The following SYNPO2 variants were observed in gnomAD, a reference collection of about 807,000 sequenced individuals.
The protein encoded by SYNPO2 is synaptopodin-2.
In SYNPO2, 56 loss-of-function variants were observed where a neutral mutation model predicts 85.0. The observed-to-expected ratio is 0.66, with a 90% CI of 0.53 to 0.82. The LOEUF (loss-of-function observed/expected upper bound fraction) is 0.82. SYNPO2 is among the 40% of genes least tolerant of loss of function. SYNPO2 has a pLI of 0.00. For synonymous variants in SYNPO2, 602 were observed against 591.1 expected (o/e 1.02, Z -0.27); for missense variants, 1,575 against 1,534.2 (o/e 1.03, Z -0.44).
intron 1 of SYNPO2, among the ~76,000 whole-genome samples, chr4:118,877,418 C>T: frequency 6.6e-6 from 1 of 152,114 alleles, no homozygotes; most frequent in African/African-American, 2.4e-5. Flanking sequence ...AAAGAGTAAA[C>T]AGACAACCTA....
At chr4:118,999,032 G>C (rs952963112) in intron 1 of SYNPO2, among the ~76,000 whole-genome samples, 1 of 152,158 alleles carries the variant, frequency 6.6e-6, no homozygotes, top group Non-Finnish European at 1.5e-5. Flanking sequence ...ATTTAGTTTT[G>C]TCTTCTGGAA....
chr4:119,044,901 GC>G (rs1398307115), intron 4 of SYNPO2, among the ~76,000 whole-genome samples: 1 of 152,178 alleles, frequency 6.6e-6, no homozygotes, highest in Non-Finnish European at 1.5e-5. Context: ...CTGTATAGTT[GC>G]TGTGTCTTCG....
At chr4:119,036,163 A>G in intron 4 of SYNPO2, 1 of 985,468 alleles carries the variant, frequency 1.0e-6, no homozygotes, top group Middle Eastern at 5.2e-4. Context: ...CCCAGCAGGC[A>G]GGGCATTTGA....
At chr4:118,963,651 T>C (rs1735190334) in intron 1 of SYNPO2, among the ~76,000 whole-genome samples, 1 of 152,194 alleles carries the variant, frequency 6.6e-6, no homozygotes, top group South Asian at 2.1e-4. Context: ...CAGATTTTAT[T>C]ATACTTGTTT....
At chr4:118,961,541 C>T (rs1263434765) in intron 1 of SYNPO2, among the ~76,000 whole-genome samples, 1 of 152,198 alleles carries the variant, frequency 6.6e-6, no homozygotes, top group Non-Finnish European at 1.5e-5. Flanking sequence ...CATTCTCCAA[C>T]GACCTTTACT....
At chr4:119,004,306 A>G (rs1736933740) in intron 1 of SYNPO2, among the ~76,000 whole-genome samples, 1 of 151,924 alleles carries the variant, frequency 6.6e-6, no homozygotes, top group African/African-American at 2.4e-5. Context: ...TACATGTGCC[A>G]TGTTGGTGTG....
chr4:119,038,451 T>C (rs985220893), intron 4 of SYNPO2: 58 of 985,312 alleles, frequency 5.9e-5, no homozygotes, highest in Non-Finnish European at 7.0e-5. Flanking sequence ...TGAATAGTGT[T>C]GTTCGTTGGC....
chr4:118,954,098 T>A (rs966151342), intron 1 of SYNPO2, among the ~76,000 whole-genome samples: 5 of 152,232 alleles, frequency 3.3e-5, no homozygotes, highest in African/African-American at 1.2e-4. Flanking sequence ...CAATTGCCAA[T>A]GTTCTTCACA....
chr4:119,026,316 G>T (rs1737940872), intron 2 of SYNPO2, among the ~76,000 whole-genome samples: 2 of 152,168 alleles, frequency 1.3e-5, no homozygotes, highest in African/African-American at 4.8e-5. Context: ...GAGATACCCA[G>T]ATTCCAAGTA....
At chr4:118,947,177 C>T (rs1368010019) in intron 1 of SYNPO2, among the ~76,000 whole-genome samples, 2 of 152,192 alleles carry the variant, frequency 1.3e-5, no homozygotes, top group Non-Finnish European at 2.9e-5. Flanking sequence ...CAGAATTTCT[C>T]ATGATACACT....
At chr4:118,939,165 T>A (rs549123306) in intron 1 of SYNPO2, among the ~76,000 whole-genome samples, 1 of 152,356 alleles carries the variant, frequency 6.6e-6, no homozygotes, top group East Asian at 1.9e-4. Context: ...AGTTTGTGTG[T>A]GCACAGTTGG....
In SYNPO2 at chr4:119,057,983, G is replaced by A. The variant is rs772086635; in HGVS notation, c.*49G>A. 235 of 1,543,922 alleles carry A rather than the reference G, an allele frequency of 1.5e-4. No homozygotes were observed. The highest frequency in any genetic ancestry group is 1.8e-4 in the Non-Finnish European group (209 of 1,147,228). ...CCAACTGTAGTTTTTTAAAAAAAAC[G>A]CTCCTTTGTAGGGTTTTAAACTTTT... On this transcript the variant is annotated 3_prime_UTR_variant, in exon 5 of 5. Coordinates refer to ENST00000307142, the MANE Select transcript of SYNPO2 (RefSeq NM_133477.3).
chr4:119,015,070 G>A (rs1034649706), intron 1 of SYNPO2, among the ~76,000 whole-genome samples: 1 of 152,118 alleles, frequency 6.6e-6, no homozygotes, highest in Non-Finnish European at 1.5e-5. Flanking sequence ...AATTTGATGT[G>A]ATTCTTTCCA....
intron 1 of SYNPO2, among the ~76,000 whole-genome samples, chr4:118,985,616 A>G (rs1736189175): frequency 6.6e-6 from 1 of 152,232 alleles, no homozygotes; most frequent in Admixed American, 6.5e-5. Context: ...TTGTCATCCA[A>G]CTGGGCATTC....
At chr4:118,925,908 C>T (rs559505063) in intron 1 of SYNPO2, among the ~76,000 whole-genome samples, 6 of 152,132 alleles carry the variant, frequency 3.9e-5, no homozygotes, top group Non-Finnish European at 7.4e-5. Flanking sequence ...CAGAAATTTC[C>T]AGATATTTAA....
At chr4:119,028,830 A>C (rs1336718490) in intron 3 of SYNPO2, among the ~76,000 whole-genome samples, 36 of 152,022 alleles carry the variant, frequency 2.4e-4, no homozygotes, top group Non-Finnish European at 1.0e-4. Context: ...TAGGGGACTC[A>C]CAGTCATTAT....
At chr4:119,010,216 T>C (rs1315752173) in intron 1 of SYNPO2, among the ~76,000 whole-genome samples, 3 of 152,192 alleles carry the variant, frequency 2.0e-5, no homozygotes, top group Admixed American at 2.0e-4. Flanking sequence ...TAACATTAAT[T>C]TGTCTTTTAG....
rs1324280720 is a variant in SYNPO2 at position 119,027,279 on chromosome 4, G to A, written c.910G>A (p.Gly304Arg). Residue 304 changes from glycine to arginine, a missense_variant, in exon 3 of 5, where the codon GGA becomes AGA. By Grantham distance (125) the Gly-to-Arg change is moderately radical (BLOSUM62 -2). Around this residue, in one of 3 missense-constraint regions of SYNPO2, gnomAD observed 1,508 missense variants for 1,446.8 expected, o/e 1.04. Coordinates refer to ENST00000307142, the MANE Select transcript of SYNPO2 (RefSeq NM_133477.3). ...GACAGAAGGGTGCAGGCTTCAGGCA[G>A]GAAAGGAGTGTGTGGATTCTCCAGT... ...QKTEGCRLQA[G>R]KECVDSPVEG... 1.9e-6 allele frequency: 3 copies of A among 1,614,168 alleles called. No individual in the cohort carries two copies. In the Admixed American group the frequency reaches 5.0e-5, roughly 27 times the overall value.
intron 1 of SYNPO2, among the ~76,000 whole-genome samples, chr4:118,973,495 G>T (rs1275027701): frequency 6.6e-6 from 1 of 151,938 alleles, no homozygotes; most frequent in African/African-American, 2.4e-5. Context: ...ATTAATCCCT[G>T]TGCATGTCAG....
Sources: allele counts gnomAD v4.1 joint callset (sites outside exome capture counted in the v4.1 genomes callset), GRCh38; gene constraint gnomAD v4.1.1; regional missense constraint gnomAD v4.1.1; transcripts MANE v1.5; gene names NCBI Gene and HGNC (gene_info 2026-07-23, HGNC 2026-07-21).